SH3D19: variants seen among roughly 807,000 people sequenced by gnomAD.
The protein encoded by SH3D19 is SH3 domain-containing protein 19.
SH3D19 carries 58 observed loss-of-function variants against 112.1 expected under a neutral mutation model. The ratio of observed to expected loss-of-function variants is 0.52; its 90% CI spans 0.42 to 0.64. SH3D19 has a LOEUF of 0.64. Among genes scored for constraint, SH3D19 ranks in the 30% least tolerant of loss-of-function variants. SH3D19 has a pLI of 0.00. For missense variants in SH3D19, 1,090 were observed against 1,263.4 expected (o/e 0.86, Z 2.08); for synonymous variants, 391 against 448.5 (o/e 0.87, Z 1.62).
intron 1 of SH3D19, among the ~76,000 whole-genome samples, chr4:151,310,791 C>T (rs1383954012): frequency 1.3e-5 from 2 of 151,240 alleles, no homozygotes; most frequent in Admixed American, 6.6e-5. Flanking sequence ...AGGCTGGTCT[C>T]GAACTCCTGA....
At chr4:151,130,196 C>A (rs1217544917) in intron 17 of SH3D19, among the ~76,000 whole-genome samples, 1 of 152,074 alleles carries the variant, frequency 6.6e-6, no homozygotes, top group Non-Finnish European at 1.5e-5. Context: ...AATCCTAGTA[C>A]CTTGGGAGGC....
At chr4:151,215,620 G>A (rs547401677) in intron 2 of SH3D19, among the ~76,000 whole-genome samples, 1 of 152,320 alleles carries the variant, frequency 6.6e-6, no homozygotes, top group African/African-American at 2.4e-5. Flanking sequence ...ATTTAGAAGT[G>A]TTGCAAAAGA....
At chr4:151,268,093 A>G (rs1438565240) in intron 1 of SH3D19, among the ~76,000 whole-genome samples, 1 of 152,206 alleles carries the variant, frequency 6.6e-6, no homozygotes, top group African/African-American at 2.4e-5. Flanking sequence ...GAAATGACAC[A>G]AAACTCAGTG....
chr4:151,182,375 A>C (rs1196430977), intron 3 of SH3D19, among the ~76,000 whole-genome samples: 1 of 152,256 alleles, frequency 6.6e-6, no homozygotes, highest in Admixed American at 6.5e-5. Context: ...TTGATTTTAA[A>C]GTATGAATAG....
intron 1 of SH3D19, among the ~76,000 whole-genome samples, chr4:151,265,065 A>G (rs539134809): frequency 3.0e-4 from 46 of 152,154 alleles, no homozygotes; most frequent in African/African-American, 1.0e-3. Context: ...AGGTAATTAC[A>G]TAATAATAAA....
chr4:151,261,484 TGAA>T (rs762252418), intron 1 of SH3D19: 5 of 152,508 alleles, frequency 3.3e-5, no homozygotes, highest in African/African-American at 9.7e-5. Context: ...GAAGTCTACC[TGAA>T]GAAGAATACA....
intron 1 of SH3D19, among the ~76,000 whole-genome samples, chr4:151,257,114 G>A (rs1045827507): frequency 2.7e-5 from 4 of 150,624 alleles, no homozygotes; most frequent in Non-Finnish European, 5.9e-5. Context: ...TTGAGATGAA[G>A]TCTTGCTCTG....
At chr4:151,182,392 A>C (rs1761099830) in intron 3 of SH3D19, among the ~76,000 whole-genome samples, 1 of 152,222 alleles carries the variant, frequency 6.6e-6, no homozygotes, top group African/African-American at 2.4e-5. Context: ...ATAGTACTTA[A>C]AAGGTAATTC....
intron 1 of SH3D19, among the ~76,000 whole-genome samples, chr4:151,303,214 G>A (rs555432187): frequency 3.9e-5 from 6 of 152,230 alleles, no homozygotes; most frequent in East Asian, 1.9e-4. Context: ...TAGCTTTCAC[G>A]AAAAGAAGTA....
intron 19 of SH3D19, among the ~76,000 whole-genome samples, chr4:151,127,364 G>C (rs563372497): frequency 6.0e-4 from 92 of 152,076 alleles, no homozygotes; most frequent in Non-Finnish European, 1.2e-3. Flanking sequence ...CAAGGAACAG[G>C]GATTACTTTG....
Position 151,226,097 on chromosome 4 carries a change from AG to A in SH3D19, c.113-12del. On this transcript the variant is annotated splice_polypyrimidine_tract_variant and intron_variant, in intron 1 of 19. Transcript: ENST00000604030. The stretch of plus-strand genomic sequence containing the variant: ...TTCGTTCGTTGCGATCTGTAGAGAA[AG>A]AAGATGGTTACGTGTCAAAAGGTTC... The A allele has an allele frequency of 8.1e-7, 1 of 1,231,820 alleles. No homozygotes were observed. Among genetic ancestry groups the A allele is most frequent in the Non-Finnish European group, 1.0e-6 (1 of 987,700 alleles). The allele number at this position is 1,231,820 out of a possible 1,614,324, so 76.3% of individuals were successfully genotyped here.
intron 1 of SH3D19, among the ~76,000 whole-genome samples, chr4:151,267,835 A>T (rs1169129657): frequency 1.3e-5 from 2 of 152,202 alleles, no homozygotes; most frequent in Non-Finnish European, 2.9e-5. Flanking sequence ...TAGTGTTTCA[A>T]GCAAGTAGGA....
rs1561429596 is a variant in SH3D19 at position 151,283,252 on chromosome 4, C to T, written c.112+41989G>A. Reference sequence around the variant, plus strand: ...GTCATCAAGGAAGACAAGATTTGTGCTGGTGATACTCAAAACATGAAGGAT... The same window carrying T: ...GTCATCAAGGAAGACAAGATTTGTGTTGGTGATACTCAAAACATGAAGGAT... On this transcript the variant is annotated intron_variant, in intron 1 of 19. Coordinates refer to ENST00000604030, the MANE Select transcript of SH3D19 (RefSeq NM_001378122.1). 5 of 1,613,720 alleles carry T rather than the reference C, an allele frequency of 3.1e-6. No homozygotes were observed. In the South Asian group the frequency reaches 3.3e-5, roughly 11 times the overall value.
chr4:151,263,458 A>T (rs894515089), intron 1 of SH3D19, among the ~76,000 whole-genome samples: 12 of 152,248 alleles, frequency 7.9e-5, no homozygotes, highest in African/African-American at 2.9e-4. Context: ...CCCCGGCAGT[A>T]TATTAGTTAT....
At chr4:151,236,741 GT>G (rs1415363887) in intron 1 of SH3D19, among the ~76,000 whole-genome samples, 1 of 152,138 alleles carries the variant, frequency 6.6e-6, no homozygotes, top group Non-Finnish European at 1.5e-5. Context: ...AGCTAATCAG[GT>G]GGGGACTTGG....
At chr4:151,157,555 G>A (rs552965354) in intron 9 of SH3D19, among the ~76,000 whole-genome samples, 3 of 152,164 alleles carry the variant, frequency 2.0e-5, no homozygotes, top group East Asian at 3.9e-4. Context: ...ACTACAAATA[G>A]AACTACCATA....
chr4:151,131,982 C>G (rs1489202489), intron 17 of SH3D19, among the ~76,000 whole-genome samples: 1 of 151,942 alleles, frequency 6.6e-6, no homozygotes, highest in Non-Finnish European at 1.5e-5. Flanking sequence ...CGCCACCATG[C>G]CTGGTTAATT....
chr4:151,178,375 T>A (rs1221943421), intron 4 of SH3D19, among the ~76,000 whole-genome samples: 1 of 152,206 alleles, frequency 6.6e-6, no homozygotes, highest in Non-Finnish European at 1.5e-5. Context: ...AAAAAAGCAC[T>A]GTCATTCTCA....
chr4:151,190,223 T>C (rs1454751990), intron 2 of SH3D19, among the ~76,000 whole-genome samples: 1 of 152,194 alleles, frequency 6.6e-6, no homozygotes, highest in Non-Finnish European at 1.5e-5. Flanking sequence ...TTTAAAGGCA[T>C]TCAATTTTAT....
Sources: allele counts gnomAD v4.1 joint callset (sites outside exome capture counted in the v4.1 genomes callset), GRCh38; gene constraint gnomAD v4.1.1; transcripts MANE v1.5; gene names NCBI Gene and HGNC (gene_info 2026-07-23, HGNC 2026-07-21).